ARNT2: variants seen among roughly 807,000 people sequenced by gnomAD.
ARNT2 encodes the protein aryl hydrocarbon receptor nuclear translocator 2, also known as ARNT protein 2.
ARNT2 carries 36 observed loss-of-function variants against 91.7 expected under a neutral mutation model. The observed-to-expected ratio is 0.39, with a 90% confidence interval of 0.30 to 0.52. ARNT2 has a LOEUF of 0.52. Ranked by LOEUF, ARNT2 falls within the 20% of genes least tolerant of loss-of-function variation. The pLI, the probability that ARNT2 is intolerant of heterozygous loss-of-function variation, is 0.72. For synonymous variants in ARNT2, 365 were observed against 347.1 expected (o/e 1.05, Z -0.57); for missense variants, 775 against 939.3 (o/e 0.83, Z 2.29).
intron 15 of ARNT2, among the ~76,000 whole-genome samples, chr15:80,578,725 C>T (rs1316775980): frequency 1.3e-5 from 2 of 152,020 alleles, no homozygotes; most frequent in African/African-American, 4.8e-5. Context: ...AACGTCCGAA[C>T]ACCTGTGCAG....
Position 80,404,910 on chromosome 15 carries a change from C to A in ARNT2, c.31+364C>A, listed in dbSNP as rs972874461. Among the ~76,000 whole-genome samples, 13 of 152,226 alleles carry A rather than the reference C, an allele frequency of 8.5e-5. No homozygotes were observed. Among genetic ancestry groups the A allele is most frequent in the Non-Finnish European group, 1.2e-4 (8 of 68,036 alleles). On this transcript the variant is annotated intron_variant, in intron 1 of 18. Transcript: ENST00000303329. This position sits in a 1 kb window ranked among gnomAD's most constrained non-coding sequence, Gnocchi z 5.5. ...TCCGGTCCCGGCTTTTGTGGCATCACGGCGTCAGCCAGTCCTGGCTGGTGG... is the reference window on the plus strand; with the variant it reads ...TCCGGTCCCGGCTTTTGTGGCATCAAGGCGTCAGCCAGTCCTGGCTGGTGG...
At chr15:80,439,593 C>G (rs1896155139) in intron 1 of ARNT2, among the ~76,000 whole-genome samples, 1 of 152,182 alleles carries the variant, frequency 6.6e-6, no homozygotes. Context: ...TAATTTTTAT[C>G]TGGGAGTATT....
rs1016888902 is a variant in ARNT2 at position 80,597,591 on chromosome 15, TCAA to T, written c.*3899_*3901del. The T allele has an allele frequency of 3.0e-5, 6 of 202,772 alleles. No individual in the cohort carries two copies. Among genetic ancestry groups the T allele is most frequent in the African/African-American group, 4.6e-5 (2 of 43,080 alleles). 12.6% of individuals were successfully genotyped at this position (202,772 alleles called of 1,614,324 possible). A position where few individuals can be genotyped will look rare whatever the true frequency, so the allele number is the denominator to read the frequency against. On this transcript the variant is annotated 3_prime_UTR_variant, in exon 19 of 19. Coordinates refer to ENST00000303329, the MANE Select transcript of ARNT2 (RefSeq NM_014862.4). ...TTTGTGGCCAAAGCTAGTGTTATGG[TCAA>T]CAACAGGCCAGGGTCTGTGGGGCAC...
intron 2 of ARNT2, among the ~76,000 whole-genome samples, chr15:80,452,624 C>T (rs1364668744): frequency 6.6e-6 from 1 of 152,210 alleles, no homozygotes; most frequent in African/African-American, 2.4e-5. Flanking sequence ...CCATTGCTTG[C>T]CCAAGTCCTT....
intron 1 of ARNT2, among the ~76,000 whole-genome samples, chr15:80,433,532 C>G (rs942823269): frequency 4.6e-5 from 7 of 152,010 alleles, no homozygotes; most frequent in Non-Finnish European, 8.8e-5. Context: ...GTGATCCACC[C>G]ACCACCTCCC....
chr15:80,426,140 G>T (rs554467500), intron 1 of ARNT2, among the ~76,000 whole-genome samples: 2 of 151,942 alleles, frequency 1.3e-5, no homozygotes, highest in South Asian at 2.1e-4. Context: ...TGCCATTTCA[G>T]TGAAGCAGCA....
intron 5 of ARNT2, chr15:80,488,565 G>A (rs1353314738): frequency 6.6e-6 from 1 of 152,068 alleles, no homozygotes; most frequent in Non-Finnish European, 1.5e-5. Context: ...TAAAAATTCA[G>A]ATGCCAGGAC....
chr15:80,472,288 A>G (rs1164949725), intron 4 of ARNT2, among the ~76,000 whole-genome samples: 1 of 152,200 alleles, frequency 6.6e-6, no homozygotes, highest in African/African-American at 2.4e-5. Flanking sequence ...TTCTCAGGAC[A>G]GAGACAGTAT....
chr15:80,489,350 A>G (rs1252682894), intron 5 of ARNT2, among the ~76,000 whole-genome samples: 1 of 152,118 alleles, frequency 6.6e-6, no homozygotes, highest in African/African-American at 2.4e-5. Context: ...TTTTCCCTTT[A>G]TTTTTGTAGA....
At chr15:80,447,257 A>T (rs545611622) in intron 1 of ARNT2, among the ~76,000 whole-genome samples, 1 of 152,232 alleles carries the variant, frequency 6.6e-6, no homozygotes, top group South Asian at 2.1e-4. Flanking sequence ...TCAGGGGTGT[A>T]CATGTGCATG....
chr15:80,526,303 C>G (rs1394454051), intron 8 of ARNT2, among the ~76,000 whole-genome samples: 3 of 152,236 alleles, frequency 2.0e-5, no homozygotes, highest in Non-Finnish European at 1.5e-5. Flanking sequence ...AGAAATCACT[C>G]ATGATGGGCT....
intron 5 of ARNT2, among the ~76,000 whole-genome samples, chr15:80,485,580 G>A (rs1438491238): frequency 6.6e-6 from 1 of 152,214 alleles, no homozygotes; most frequent in Non-Finnish European, 1.5e-5. Flanking sequence ...AATACAGAAT[G>A]GGACATGTCT....
At chr15:80,580,182 C>A in intron 15 of ARNT2, 2 of 560,388 alleles carry the variant, frequency 3.6e-6, no homozygotes, top group East Asian at 3.1e-5. Flanking sequence ...AAGTACCAGA[C>A]TACTAGACAT....
rs778045960 is a variant in ARNT2 at position 80,574,322 on chromosome 15, G to A, written c.1389+102G>A. The A allele has an allele frequency of 1.9e-5, 22 of 1,143,866 alleles. 1 individual carries two copies. The highest frequency in any genetic ancestry group is 1.0e-4 in the South Asian group (8 of 78,016). The allele number at this position is 1,143,866 out of a possible 1,614,324, so 70.9% of individuals were successfully genotyped here. ...CTTGAGCCCCTCAACACAAAGGATT[G>A]CCCCATCCCCCCACTACAATGGAAA... On this transcript the variant is annotated intron_variant, in intron 13 of 18. Coordinates refer to ENST00000303329, the MANE Select transcript of ARNT2 (RefSeq NM_014862.4).
At chr15:80,431,548 G>T (rs957845522) in intron 1 of ARNT2, among the ~76,000 whole-genome samples, 16 of 152,174 alleles carry the variant, frequency 1.1e-4, no homozygotes, top group African/African-American at 3.6e-4. Flanking sequence ...AGCCATTCCC[G>T]GATGGGCCGT....
chr15:80,528,397 T>G (rs945934010), intron 8 of ARNT2, among the ~76,000 whole-genome samples: 6 of 152,008 alleles, frequency 3.9e-5, no homozygotes. Context: ...TATCTATCTA[T>G]CTATCTATCT....
intron 8 of ARNT2, among the ~76,000 whole-genome samples, chr15:80,521,255 C>T (rs766500661): frequency 3.3e-5 from 5 of 151,982 alleles, no homozygotes; most frequent in Non-Finnish European, 7.4e-5. Flanking sequence ...ACTCCAAGAG[C>T]GTGTTTATGT....
chr15:80,561,764 C>T (rs987182314), intron 11 of ARNT2, among the ~76,000 whole-genome samples: 2 of 152,184 alleles, frequency 1.3e-5, no homozygotes, highest in Admixed American at 1.3e-4. Context: ...AGTCTCTTAG[C>T]CACCTCAGTT....
intron 8 of ARNT2, among the ~76,000 whole-genome samples, chr15:80,545,573 A>G (rs1897977959): frequency 6.6e-6 from 1 of 152,250 alleles, no homozygotes; most frequent in Non-Finnish European, 1.5e-5. Context: ...CGAAGCAGAC[A>G]GGTTTGGTGT....
Sources: allele counts gnomAD v4.1 joint callset (sites outside exome capture counted in the v4.1 genomes callset), GRCh38; gene constraint gnomAD v4.1.1; non-coding constraint Gnocchi (gnomAD v3.1); transcripts MANE v1.5; gene names NCBI Gene and HGNC (gene_info 2026-07-23, HGNC 2026-07-21).